TRIM71: variants seen among roughly 807,000 people sequenced by gnomAD.
The protein encoded by TRIM71 is tripartite motif containing 71, also known as E3 ubiquitin-protein ligase TRIM71.
Under a neutral mutation model 61.2 loss-of-function variants are expected in TRIM71, and 9 were observed. That is an observed-to-expected ratio of 0.15 (90% CI 0.09 to 0.26). TRIM71 has a LOEUF of 0.26. Among genes scored for constraint, TRIM71 ranks in the 10% least tolerant of loss-of-function variants. TRIM71 has a pLI of 1.00. For synonymous variants in TRIM71, 645 were observed against 553.2 expected (o/e 1.17, Z -2.33); for missense variants, 998 against 1,238.7 (o/e 0.81, Z 2.92).
chr3:32,865,276 C>T (rs1379301411), intron 1 of TRIM71, among the ~76,000 whole-genome samples: 1 of 152,152 alleles, frequency 6.6e-6, no homozygotes, highest in Non-Finnish European at 1.5e-5. Flanking sequence ...TTGCAGTTAG[C>T]TGAGATCACA....
At chr3:32,869,367 G>A (rs1696772788) in intron 1 of TRIM71, among the ~76,000 whole-genome samples, 1 of 152,242 alleles carries the variant, frequency 6.6e-6, no homozygotes. Context: ...ACATTTCGAT[G>A]AACTTAAATG....
At position 32,890,461 on chromosome 3, in the gene TRIM71, G is replaced by A. The variant is rs1271797134; in HGVS notation, c.1257G>A (p.Gln419=). The A allele has an allele frequency of 6.2e-7, 1 of 1,614,234 alleles. No individual in the cohort carries two copies. The highest frequency in any genetic ancestry group is 8.5e-7 in the Non-Finnish European group (1 of 1,180,044). The change falls in exon 4 of 4, where the codon CAG becomes CAA. Residue 419 remains glutamine (Q), a synonymous_variant. Coordinates refer to ENST00000383763, the MANE Select transcript of TRIM71 (RefSeq NM_001039111.3). The surrounding 1 kb of genome is among the most constrained non-coding windows in gnomAD (Gnocchi z 6.2). The stretch of plus-strand genomic sequence containing the variant: ...TTGAGAGCACCATCAGTGCCGTGCA[G>A]CAGGTCCTGGAGGAGGGTAGAGCGC... The part of the protein sequence containing the change: ...NKLESTISAV[Q]QVLEEGRALD...
In TRIM71 at chr3:32,873,056, TCTCTCTTC is replaced by T. The variant is rs1266275803; in HGVS notation, c.853-758_853-751del. ...CAGGTAAAGGTTGTGCCAGCCCTTC[TCTCTCTTC>T]CTCCCTCCCTCCCTCCCTCCCTCCC... On this transcript the variant is annotated intron_variant, in intron 1 of 3. Coordinates refer to ENST00000383763, the MANE Select transcript of TRIM71 (RefSeq NM_001039111.3). 1.5e-3 allele frequency among the ~76,000 whole-genome samples: 174 copies of T among 116,368 alleles called. 2 individuals carry two copies. The highest frequency in any genetic ancestry group is 2.1e-3 in the African/African-American group (66 of 31,598). 76.3% of individuals were successfully genotyped at this position (116,368 alleles called of 152,430 possible).
rs1697007375 is a variant in TRIM71 at position 32,890,044 on chromosome 3, C to G, written c.1156-316C>G. On this transcript the variant is annotated intron_variant, in intron 3 of 3. Coordinates refer to ENST00000383763, the MANE Select transcript of TRIM71 (RefSeq NM_001039111.3). This position sits in a 1 kb window ranked among gnomAD's most constrained non-coding sequence, Gnocchi z 6.2. ...TTTGATACAGTACTAGCATCTACTC[C>G]TCAGTCCATAATCAAGGTTCAACAA... Among the ~76,000 whole-genome samples the G allele has an allele frequency of 6.6e-6, 1 of 152,124 alleles. No homozygotes were observed. The highest frequency in any genetic ancestry group is 2.1e-4 in the South Asian group (1 of 4,826).
At chr3:32,836,612 A>C (rs757827686) in intron 1 of TRIM71, among the ~76,000 whole-genome samples, 5 of 152,188 alleles carry the variant, frequency 3.3e-5, no homozygotes, top group Non-Finnish European at 7.3e-5. Context: ...TAGAAGGTGG[A>C]TCTAATTTTA....
At chr3:32,822,995 C>A (rs917605543) in intron 1 of TRIM71, among the ~76,000 whole-genome samples, 1 of 152,094 alleles carries the variant, frequency 6.6e-6, no homozygotes, top group East Asian at 1.9e-4. Context: ...AATGGGTATT[C>A]TAGTATTTCT....
intron 1 of TRIM71, among the ~76,000 whole-genome samples, chr3:32,861,866 T>TCCACACCC (rs1332686987): frequency 2.6e-5 from 4 of 152,138 alleles, no homozygotes; most frequent in African/African-American, 7.2e-5. Flanking sequence ...CACCCACTCT[T>TCCACACCC]CCACACCCCC....
At chr3:32,848,627 A>G (rs12496756) in intron 1 of TRIM71, among the ~76,000 whole-genome samples, 4,631 of 152,186 alleles carry the variant, frequency 0.03, 129 homozygotes, top group Admixed American at 0.076. Context: ...AGTTTTGTCT[A>G]TGATTAGGGT....
In TRIM71 at chr3:32,887,582, A is replaced by G. The variant is rs1230408537; in HGVS notation, c.1155+1514A>G. Among the ~76,000 whole-genome samples, 3 of 141,766 alleles carry G rather than the reference A, an allele frequency of 2.1e-5. No homozygotes were observed. The East Asian group carries it at 6.2e-4, about 29-fold the overall frequency. 93.0% of individuals were successfully genotyped at this position (141,766 alleles called of 152,430 possible). On this transcript the variant is annotated intron_variant, in intron 3 of 3. Coordinates refer to ENST00000383763, the MANE Select transcript of TRIM71 (RefSeq NM_001039111.3). ...TTTGTTACAAGTTTTGTTTTCCTGC[A>G]TCTCTGGTTACTTTAAGATATATAA...
In TRIM71 at chr3:32,897,111, A is replaced by G. The variant is rs886694502; in HGVS notation, c.*5300A>G. 2 of 151,692 alleles carry G rather than the reference A, an allele frequency of 1.3e-5. No individual in the cohort carries two copies. Among genetic ancestry groups the G allele is most frequent in the South Asian group, 2.1e-4 (1 of 4,794 alleles). 9.4% of individuals were successfully genotyped at this position (151,692 alleles called of 1,614,324 possible). On this transcript the variant is annotated 3_prime_UTR_variant, in exon 4 of 4. Coordinates refer to ENST00000383763, the MANE Select transcript of TRIM71 (RefSeq NM_001039111.3). ...GTTGTTAAACTGAATCTTGCTTAAT[A>G]CTGTCCATTAGCTCTCATGCCGGGT...
rs1038994187 is a variant in TRIM71, at chr3:32,896,165, T to G, written c.*4354T>G. 1 of 152,216 alleles carries G rather than the reference T, an allele frequency of 6.6e-6. No individual in the cohort carries two copies. The highest frequency in any genetic ancestry group is 2.4e-5 in the African/African-American group (1 of 41,454). 9.4% of individuals were successfully genotyped at this position (152,216 alleles called of 1,614,324 possible). On this transcript the variant is annotated 3_prime_UTR_variant, in exon 4 of 4. Coordinates refer to ENST00000383763, the MANE Select transcript of TRIM71 (RefSeq NM_001039111.3). ...ATAAAGACCTTTAGGTCTCTTTCTC[T>G]TCAAGAGAAAAATATTTTATCTGTA...
intron 3 of TRIM71, among the ~76,000 whole-genome samples, chr3:32,887,085 G>A (rs891168399): frequency 2.0e-5 from 3 of 152,138 alleles, no homozygotes; most frequent in Non-Finnish European, 2.9e-5. Flanking sequence ...TGCCACCCAC[G>A]AATGTTAATT....
In TRIM71 at chr3:32,878,088, C is replaced by T. The variant is rs558933405; in HGVS notation, c.1020+4103C>T. Among the ~76,000 whole-genome samples the T allele has an allele frequency of 4.7e-4, 71 of 152,344 alleles. No individual in the cohort carries two copies. In the South Asian group the frequency reaches 9.5e-3, roughly 20 times the overall value. On this transcript the variant is annotated intron_variant, in intron 2 of 3. Transcript: ENST00000383763. ...AGGAATCACTATCTGTAGTAGCTAT[C>T]GCCTTACGAAGTTTATTTGTTAAAT... is the stretch of plus-strand genomic sequence containing the variant.
rs1697009857 is a variant in TRIM71, at chr3:32,890,257, TG to T, written c.1156-102del. ...CTTTTGTAGACCATCCCACAATATGTGTTTGTCTGATGCTTCCTTGTGATTA... is the reference window on the plus strand; with the variant it reads ...CTTTTGTAGACCATCCCACAATATGTTTTGTCTGATGCTTCCTTGTGATTA... On this transcript the variant is annotated intron_variant, in intron 3 of 3. Coordinates refer to ENST00000383763, the MANE Select transcript of TRIM71 (RefSeq NM_001039111.3). The surrounding 1 kb of genome is among the most constrained non-coding windows in gnomAD (Gnocchi z 6.2). 3.5e-6 allele frequency: 5 copies of T among 1,437,738 alleles called. No homozygotes were observed. The highest frequency in any genetic ancestry group is 4.7e-6 in the Non-Finnish European group (5 of 1,064,946). 89.1% of individuals were successfully genotyped at this position (1,437,738 alleles called of 1,614,324 possible). A position where few individuals can be genotyped will look rare whatever the true frequency, so the allele number is the denominator to read the frequency against.
At chr3:32,850,971 A>G (rs4909030) in intron 1 of TRIM71, among the ~76,000 whole-genome samples, 39,481 of 152,062 alleles carry the variant, frequency 0.26, 5,977 homozygotes, top group African/African-American at 0.42. Context: ...GGTGTTCTCT[A>G]TCAAAATACA....
chr3:32,843,796 G>A (rs1696438515), intron 1 of TRIM71, among the ~76,000 whole-genome samples: 2 of 152,136 alleles, frequency 1.3e-5, no homozygotes, highest in South Asian at 2.1e-4. Context: ...CTCCTTTCCT[G>A]TCGTGCTGCT....
chr3:32,864,959 G>A (rs753740002), intron 1 of TRIM71, among the ~76,000 whole-genome samples: 7 of 151,066 alleles, frequency 4.6e-5, no homozygotes, highest in Non-Finnish European at 5.9e-5. Flanking sequence ...TTTCCCTGCC[G>A]GAATCCCCTC....
chr3:32,855,465 G>T (rs1424884029), intron 1 of TRIM71, among the ~76,000 whole-genome samples: 1 of 152,140 alleles, frequency 6.6e-6, no homozygotes, highest in African/African-American at 2.4e-5. Context: ...GGAGTGAAGT[G>T]GGGGAGCCTC....
At chr3:32,881,669 T>A (rs1288186068) in intron 2 of TRIM71, among the ~76,000 whole-genome samples, 1 of 152,228 alleles carries the variant, frequency 6.6e-6, no homozygotes, top group Non-Finnish European at 1.5e-5. Context: ...GGGTGATTTC[T>A]CTTTTCTTAC....
Sources: gnomAD v4.1 joint callset for allele counts (sites outside exome capture counted in the v4.1 genomes callset) on GRCh38, gnomAD v4.1.1 for gene constraint, Gnocchi (gnomAD v3.1) non-coding constraint, MANE v1.5 for transcripts, NCBI Gene and HGNC (gene_info 2026-07-23, HGNC 2026-07-21) for gene names.